The following CGNL1 variants were observed in gnomAD, a reference collection of about 807,000 sequenced individuals.
CGNL1 encodes cingulin like 1.
CGNL1 carries 132 observed loss-of-function variants against 141.2 expected under a neutral mutation model. That is an observed-to-expected ratio of 0.93 (90% confidence interval 0.81 to 1.08). The LOEUF (loss-of-function observed/expected upper bound fraction) is 1.08, where lower values mean the gene tolerates loss of function less well. CGNL1 is among the 50% of genes least tolerant of loss of function. The probability of loss-of-function intolerance (pLI) is 0.00; values close to 1 mark genes in which losing one functional copy is unlikely to be tolerated. For synonymous variants in CGNL1, 690 were observed against 622.1 expected, an observed-to-expected ratio of 1.11 and a Z score of -1.63; for missense variants, 1,870 against 1,588.6, an observed-to-expected ratio of 1.18 and a Z score of -3.01.
intron 8 of CGNL1, among the ~76,000 whole-genome samples, chr15:57,472,306 T>C (rs2063591983): frequency 6.6e-6 from 1 of 151,996 alleles, no homozygotes; most frequent in Admixed American, 6.5e-5. Context: ...CCATGGCAAG[T>C]GAGGCTGGGC....
At chr15:57,514,631 G>A (rs1424811166) in intron 8 of CGNL1, among the ~76,000 whole-genome samples, 10 of 152,072 alleles carry the variant, frequency 6.6e-5, no homozygotes, top group African/African-American at 1.9e-4. Flanking sequence ...TTATCTGTTC[G>A]TTCTTTTGTC....
intron 14 of CGNL1, among the ~76,000 whole-genome samples, chr15:57,541,879 A>AT (rs1237570608): frequency 6.6e-6 from 1 of 152,076 alleles, no homozygotes; most frequent in Non-Finnish European, 1.5e-5. Context: ...AAATGTGAGC[A>AT]TTTTCTTTGG....
intron 8 of CGNL1, among the ~76,000 whole-genome samples, chr15:57,463,969 C>G (rs947539150): frequency 2.0e-5 from 3 of 152,152 alleles, no homozygotes; most frequent in Non-Finnish European, 2.9e-5. Flanking sequence ...GGAACCCTGG[C>G]CATTCTTCTA....
At chr15:57,481,317 G>C (rs892014653) in intron 8 of CGNL1, among the ~76,000 whole-genome samples, 2 of 151,988 alleles carry the variant, frequency 1.3e-5, no homozygotes, top group African/African-American at 4.8e-5. Flanking sequence ...TCTTCATGTT[G>C]TCCTTTTATA....
At chr15:57,547,306 A>G in intron 18 of CGNL1, 49 bp from the exon 19 acceptor site, 2 of 1,602,278 alleles carry the variant, frequency 1.2e-6, no homozygotes, top group Non-Finnish European at 1.7e-6. Flanking sequence ...CAAATTAGCT[A>G]TGGGCCCCGG....
At chr15:57,435,412 T>G (rs1244079869) in intron 1 of CGNL1, among the ~76,000 whole-genome samples, 1 of 93,824 alleles carries the variant, frequency 1.1e-5, no homozygotes, top group African/African-American at 3.8e-5. Flanking sequence ...TGCAGGTTTT[T>G]TTGTTTTTTT....
chr15:57,431,629 T>C (rs2063045665), intron 1 of CGNL1, among the ~76,000 whole-genome samples: 1 of 152,260 alleles, frequency 6.6e-6, no homozygotes, highest in Admixed American at 6.5e-5. Context: ...TTTAGCAAGC[T>C]TGTCCAACCT....
At chr15:57,519,974 G>A (rs1298092933) in intron 10 of CGNL1, among the ~76,000 whole-genome samples, 1 of 152,194 alleles carries the variant, frequency 6.6e-6, no homozygotes, top group Non-Finnish European at 1.5e-5. Flanking sequence ...TGGCCTTGGG[G>A]CCTGAAGATC....
rs1349428979 is a variant in CGNL1, at chr15:57,426,464, A to G, written c.-15-11521A>G. On this transcript the variant is annotated intron_variant, in intron 1 of 18. Coordinates refer to ENST00000281282, the MANE Select transcript of CGNL1 (RefSeq NM_032866.5). ...CAGGCCACATTTTTTTTTTTTTTTTAAAGACAGGTTCTCTCTCTGTTGCCC... is the reference window on the plus strand; with the variant it reads ...CAGGCCACATTTTTTTTTTTTTTTTGAAGACAGGTTCTCTCTCTGTTGCCC... 5.5e-3 allele frequency among the ~76,000 whole-genome samples: 759 copies of G among 137,750 alleles called. 6 individuals carry two copies. Among genetic ancestry groups the G allele is most frequent in the African/African-American group, 0.02 (737 of 37,124 alleles). The allele number at this position is 137,750 out of a possible 152,430, so 90.4% of individuals were successfully genotyped here.
intron 1 of CGNL1, chr15:57,405,836 CTTTT>C (rs2062715415): frequency 1.1e-5 from 1 of 94,286 alleles, no homozygotes; most frequent in African/African-American, 4.1e-5. Flanking sequence ...CTTTTTCTTT[CTTTT>C]CTTTTTCTTT....
At chr15:57,420,041 T>G (rs1374343907) in intron 1 of CGNL1, among the ~76,000 whole-genome samples, 1 of 152,250 alleles carries the variant, frequency 6.6e-6, no homozygotes, top group Non-Finnish European at 1.5e-5. Context: ...GATCTTTTAG[T>G]TGGCTCCTGT....
At position 57,432,824 on chromosome 15, in the gene CGNL1, A is replaced by G. The variant is rs551050104; in HGVS notation, c.-15-5161A>G. ...TTGGATTGAGGTTTGTTGTCAAGGA[A>G]ATGTAAATTGTGGATGTTTCATGAA... On this transcript the variant is annotated intron_variant, in intron 1 of 18. Transcript: ENST00000281282. Among the ~76,000 whole-genome samples, 3 of 152,368 alleles carry G rather than the reference A, an allele frequency of 2.0e-5. 1 individual carries two copies. Among genetic ancestry groups the G allele is most frequent in the African/African-American group, 7.2e-5 (3 of 41,584 alleles).
intron 12 of CGNL1, among the ~76,000 whole-genome samples, chr15:57,525,118 C>A (rs1032145530): frequency 1.3e-5 from 2 of 152,194 alleles, no homozygotes; most frequent in South Asian, 4.1e-4. Flanking sequence ...ATTACAGTAA[C>A]TGACTGTTTT....
intron 1 of CGNL1, among the ~76,000 whole-genome samples, chr15:57,407,815 C>A (rs2062740467): frequency 6.9e-6 from 1 of 145,724 alleles, no homozygotes; most frequent in Non-Finnish European, 1.5e-5. Context: ...GTGGCATGAT[C>A]TCGGCTCACT....
At chr15:57,534,779 C>T (rs1348658777) in intron 14 of CGNL1, among the ~76,000 whole-genome samples, 1 of 152,260 alleles carries the variant, frequency 6.6e-6, no homozygotes, top group Non-Finnish European at 1.5e-5. Context: ...CAAGTAATAA[C>T]ATCGGCCCTG....
At chr15:57,428,300 T>C (rs2063002449) in intron 1 of CGNL1, among the ~76,000 whole-genome samples, 1 of 152,156 alleles carries the variant, frequency 6.6e-6, no homozygotes, top group Non-Finnish European at 1.5e-5. Flanking sequence ...AGAGTGCAGG[T>C]CTTAGAGACA....
chr15:57,527,497 C>T (rs193207885), intron 12 of CGNL1: 1 of 152,412 alleles, frequency 6.6e-6, no homozygotes, highest in East Asian at 1.9e-4. Flanking sequence ...GAGGGTAGGA[C>T]ACTTAGAACA....
At chr15:57,384,728 A>G (rs1160706885) in intron 1 of CGNL1, among the ~76,000 whole-genome samples, 5 of 152,228 alleles carry the variant, frequency 3.3e-5, no homozygotes, top group African/African-American at 1.2e-4. Flanking sequence ...CTTTAAAGAG[A>G]CGAGACCTCT....
chr15:57,417,599 A>C (rs914366648), intron 1 of CGNL1, among the ~76,000 whole-genome samples: 1 of 127,626 alleles, frequency 7.8e-6, no homozygotes, highest in East Asian at 2.5e-4. Flanking sequence ...CTCAGAATTG[A>C]AATAGTGCTT....
Sources: allele counts gnomAD v4.1 joint callset (sites outside exome capture counted in the v4.1 genomes callset), GRCh38; gene constraint gnomAD v4.1.1; transcripts MANE v1.5; gene names NCBI Gene and HGNC (gene_info 2026-07-23, HGNC 2026-07-21).